Variants in EGFR observed in about 807,000 individuals in gnomAD.
EGFR encodes avian erythroblastic leukemia viral (v-erb-b) oncogene homolog.
A neutral mutation model predicts 143.0 loss-of-function variants in EGFR; 58 were observed. That is an observed-to-expected ratio of 0.41 (90% confidence interval 0.33 to 0.50). The LOEUF (loss-of-function observed/expected upper bound fraction) is 0.50. Among genes scored for constraint, EGFR ranks in the 20% least tolerant of loss-of-function variants. EGFR has a pLI of 0.39. For synonymous variants in EGFR, 613 were observed against 594.4 expected (o/e 1.03, Z -0.45); for missense variants, 1,307 against 1,579.0 (o/e 0.83, Z 2.92).
chr7:55,193,349 C>T (rs1224768194), intron 22 of EGFR, among the ~76,000 whole-genome samples: 2 of 152,012 alleles, frequency 1.3e-5, no homozygotes, highest in Non-Finnish European at 2.9e-5. Context: ...GCTTCTCGCT[C>T]TCGGGAGGAC....
chr7:55,112,130 C>T (rs749141303), intron 1 of EGFR, among the ~76,000 whole-genome samples: 3 of 152,242 alleles, frequency 2.0e-5, no homozygotes, highest in Non-Finnish European at 4.4e-5. Context: ...GGTCCCCCTA[C>T]AGAGGTCCCC....
At chr7:55,078,492 T>C (rs771714793) in intron 1 of EGFR, among the ~76,000 whole-genome samples, 3 of 152,212 alleles carry the variant, frequency 2.0e-5, no homozygotes, top group Non-Finnish European at 2.9e-5. Context: ...AGGGTTTATG[T>C]GCGTCCTCCT....
chr7:55,178,414 T>A (rs1410155490), intron 19 of EGFR, among the ~76,000 whole-genome samples: 2 of 152,220 alleles, frequency 1.3e-5, no homozygotes, highest in Non-Finnish European at 2.9e-5. Context: ...TAAAGTCTGT[T>A]AACTGGAGCA....
At position 55,154,198 on chromosome 7, in the gene EGFR, C is replaced by T. The variant is rs768316577; in HGVS notation, c.889+46C>T. 16 of 1,613,710 alleles carry T rather than the reference C, an allele frequency of 9.9e-6. No individual in the cohort carries two copies. In the East Asian group the frequency reaches 1.3e-4, roughly 13 times the overall value. On this transcript the variant is annotated intron_variant, in intron 7 of 27. Transcript: ENST00000275493. ...CCTCTAACTGGTCAGGCATCCTTGT[C>T]CCGCTCTGTCTCCTGCTGAGCCCTG...
At chr7:55,101,905 T>G (rs1791854803) in intron 1 of EGFR, among the ~76,000 whole-genome samples, 1 of 152,164 alleles carries the variant, frequency 6.6e-6, no homozygotes, top group African/African-American at 2.4e-5. Context: ...TTCCCATCCC[T>G]TTTCCACGCA....
intron 1 of EGFR, among the ~76,000 whole-genome samples, chr7:55,026,885 A>G: frequency 6.6e-6 from 1 of 152,158 alleles, no homozygotes; most frequent in Non-Finnish European, 1.5e-5. Flanking sequence ...AAAAAGGGAA[A>G]AAAAAAAGCT....
intron 1 of EGFR, among the ~76,000 whole-genome samples, chr7:55,101,432 T>C (rs1250634969): frequency 6.6e-6 from 1 of 152,236 alleles, no homozygotes; most frequent in African/African-American, 2.4e-5. Flanking sequence ...TTCTGTATTT[T>C]AACACCATTT....
intron 1 of EGFR, among the ~76,000 whole-genome samples, chr7:55,091,891 C>CACACA (rs1562706309): frequency 1.1e-4 from 15 of 135,334 alleles, no homozygotes; most frequent in South Asian, 4.7e-4. Flanking sequence ...CACACACACA[C>CACACA]CCTGAGAGAG....
chr7:55,169,602 A>T (rs188896951), intron 15 of EGFR, among the ~76,000 whole-genome samples: 25 of 152,216 alleles, frequency 1.6e-4, no homozygotes, highest in Non-Finnish European at 5.9e-5. Flanking sequence ...CCAGAGAATA[A>T]TTTTTCTGAC....
intron 1 of EGFR, among the ~76,000 whole-genome samples, chr7:55,103,470 A>G (rs1447312367): frequency 6.6e-6 from 1 of 152,262 alleles, no homozygotes; most frequent in Non-Finnish European, 1.5e-5. Flanking sequence ...CCCTTACAGA[A>G]TGTGATCCAC....
chr7:55,199,395 T>C (rs1787752806), intron 23 of EGFR, among the ~76,000 whole-genome samples: 1 of 152,262 alleles, frequency 6.6e-6, no homozygotes, highest in Non-Finnish European at 1.5e-5. Flanking sequence ...TGCAGTGGGC[T>C]CTGGAGGTAG....
In EGFR at chr7:55,019,106, A is replaced by G. The variant is rs2128852922; in HGVS notation, c.-172A>G. On this transcript the variant is annotated 5_prime_UTR_variant, in exon 1 of 28. Coordinates refer to ENST00000275493, the MANE Select transcript of EGFR (RefSeq NM_005228.5). The stretch of plus-strand genomic sequence containing the variant: ...CGCCCGACGCGGCCGAGGCGGCCGG[A>G]GTCCCGAGCTAGCCCCGGCGGCCGC... 2.9e-6 allele frequency: 1 copy of G among 345,016 alleles called. No individual in the cohort carries two copies. The highest frequency in any genetic ancestry group is 5.0e-6 in the Non-Finnish European group (1 of 199,754). The allele number at this position is 345,016 out of a possible 1,614,324, so 21.4% of individuals were successfully genotyped here. A position where few individuals can be genotyped will look rare whatever the true frequency, so the allele number is the denominator to read the frequency against.
chr7:55,082,478 A>G (rs1021390251), intron 1 of EGFR, among the ~76,000 whole-genome samples: 10 of 152,202 alleles, frequency 6.6e-5, no homozygotes, highest in African/African-American at 1.9e-4. Flanking sequence ...GGTGGCATCC[A>G]AGGCTAAAAA....
chr7:55,180,354 A>G (rs561238470), intron 19 of EGFR: 2 of 152,376 alleles, frequency 1.3e-5, no homozygotes, highest in African/African-American at 4.8e-5. Context: ...AGAGGGCCCC[A>G]TTGTGTGCCT....
At chr7:55,026,809 C>T (rs1379258773) in intron 1 of EGFR, among the ~76,000 whole-genome samples, 2 of 152,008 alleles carry the variant, frequency 1.3e-5, no homozygotes, top group Non-Finnish European at 2.9e-5. Flanking sequence ...GCGCTCTTGA[C>T]CAAAATTCAC....
intron 19 of EGFR, among the ~76,000 whole-genome samples, chr7:55,179,124 G>A (rs902431338): frequency 1.3e-5 from 2 of 152,246 alleles, no homozygotes; most frequent in Admixed American, 6.5e-5. Context: ...GACCCTAAGC[G>A]TGTGCTAGGG....
chr7:55,160,065 G>A lies in EGFR; in HGVS notation c.1299-74G>A, dbSNP rs1291449971. 3.3e-6 allele frequency: 5 copies of A among 1,533,612 alleles called. No individual in the cohort carries two copies. The African/African-American group carries it at 6.9e-5, about 21-fold the overall frequency. ...GTTTGTAGTCAATCAAAGGTGGTCT[G>A]GAGAAACAAAGTTTTCAGGGATACA... On this transcript the variant is annotated intron_variant, in intron 11 of 27. Coordinates refer to ENST00000275493, the MANE Select transcript of EGFR (RefSeq NM_005228.5).
chr7:55,159,123 C>A (rs1385105816), intron 11 of EGFR, among the ~76,000 whole-genome samples: 1 of 152,166 alleles, frequency 6.6e-6, no homozygotes, highest in Non-Finnish European at 1.5e-5. Flanking sequence ...GCCTTGTGCT[C>A]CCTCCCCAAA....
chr7:55,157,418 CA>C lies in EGFR; in HGVS notation c.1208-244del, dbSNP rs17336688. The stretch of plus-strand genomic sequence containing the variant: ...GCAGCAGGGGTCTCAGGGCCACAGC[CA>C]GGGGGGCGGCGGGAGACATGCGGAA... On this transcript the variant is annotated intron_variant, in intron 10 of 27. Transcript: ENST00000275493. Among the ~76,000 whole-genome samples the C allele has an allele frequency of 0.022, 3,371 of 152,312 alleles. 131 individuals carry two copies. The highest frequency in any genetic ancestry group is 0.077 in the African/African-American group (3,214 of 41,536).
Sources: gnomAD v4.1 joint callset for allele counts (sites outside exome capture counted in the v4.1 genomes callset) on GRCh38, gnomAD v4.1.1 for gene constraint, MANE v1.5 for transcripts, NCBI Gene and HGNC (gene_info 2026-07-23, HGNC 2026-07-21) for gene names.